OSBPL3: variants seen among roughly 807,000 people sequenced by gnomAD.
The protein encoded by OSBPL3 is oxysterol-binding protein-related protein 3.
OSBPL3 carries 65 observed loss-of-function variants against 120.1 expected under a neutral mutation model. The ratio of observed to expected loss-of-function variants is 0.54; its 90% confidence interval spans 0.44 to 0.67. The LOEUF (loss-of-function observed/expected upper bound fraction) is 0.67. OSBPL3 is among the 30% of genes least tolerant of loss of function. OSBPL3 has a pLI of 0.00. For missense variants in OSBPL3, 1,004 were observed against 1,082.1 expected, an observed-to-expected ratio of 0.93 and a Z score of 1.01; for synonymous variants, 416 against 402.6, an observed-to-expected ratio of 1.03 and a Z score of -0.40.
At chr7:24,925,490 C>CTTT (rs1415685149) in intron 1 of OSBPL3, among the ~76,000 whole-genome samples, 1 of 152,184 alleles carries the variant, frequency 6.6e-6, no homozygotes, top group Non-Finnish European at 1.5e-5. Flanking sequence ...ATCTGTCTTC[C>CTTT]TTTTAAGCAG....
Position 24,900,748 on chromosome 7 carries a change from G to A in OSBPL3, c.-149-8127C>T, listed in dbSNP as rs893675200. On this transcript the variant is annotated intron_variant, in intron 1 of 22. Coordinates refer to ENST00000313367, the MANE Select transcript of OSBPL3 (RefSeq NM_015550.4). The surrounding 1 kb of genome is among the most constrained non-coding windows in gnomAD (Gnocchi z 4.5). The stretch of plus-strand genomic sequence containing the variant: ...TTTGGGAGGCCAAGGTAGGTGGATC[G>A]CTTGAGCTCACGAGTTCAAGACCAG... 9.5e-4 allele frequency among the ~76,000 whole-genome samples: 144 copies of A among 152,142 alleles called. No individual in the cohort carries two copies. The highest frequency in any genetic ancestry group is 3.2e-3 in the African/African-American group (133 of 41,502).
rs1381283569 is a variant in OSBPL3 at position 24,964,300 on chromosome 7, T to C, written c.-150+15586A>G. 3.3e-5 allele frequency among the ~76,000 whole-genome samples: 5 copies of C among 152,148 alleles called. No homozygotes were observed. Among genetic ancestry groups the C allele is most frequent in the Admixed American group, 6.5e-5 (1 of 15,272 alleles). On this transcript the variant is annotated intron_variant, in intron 1 of 22. Coordinates refer to ENST00000313367, the MANE Select transcript of OSBPL3 (RefSeq NM_015550.4). This position sits in a 1 kb window ranked among gnomAD's most constrained non-coding sequence, Gnocchi z 4.2. ...GAAAGGCGAAGAAAAAATAACCATATGGTAGAGAAGCCTGACAAACACTAC... is the reference window on the plus strand; with the variant it reads ...GAAAGGCGAAGAAAAAATAACCATACGGTAGAGAAGCCTGACAAACACTAC...
In OSBPL3 at chr7:24,949,013, T is replaced by G. The variant is rs925407392; in HGVS notation, c.-150+30873A>C. Among the ~76,000 whole-genome samples the G allele has an allele frequency of 2.6e-5, 4 of 152,336 alleles. No homozygotes were observed. In the South Asian group the frequency reaches 6.2e-4, roughly 24 times the overall value. On this transcript the variant is annotated intron_variant, in intron 1 of 22. Transcript: ENST00000313367. ...TATCATGATGTCTCTAGACTTCTAC[T>G]TCTTTATTTTTCCTTTGTAAACTGT...
chr7:24,964,362 A>G lies in OSBPL3; in HGVS notation c.-150+15524T>C, dbSNP rs1015398223. Reference sequence around the variant, plus strand: ...GAGCAAGGTCAACATAACCAAAACTATAAATCATGCTGCTAACATATACTC... The same window carrying G: ...GAGCAAGGTCAACATAACCAAAACTGTAAATCATGCTGCTAACATATACTC... On this transcript the variant is annotated intron_variant, in intron 1 of 22. Coordinates refer to ENST00000313367, the MANE Select transcript of OSBPL3 (RefSeq NM_015550.4). The surrounding 1 kb of genome is among the most constrained non-coding windows in gnomAD (Gnocchi z 4.2). 1.3e-5 allele frequency among the ~76,000 whole-genome samples: 2 copies of G among 152,232 alleles called. No homozygotes were observed. Among genetic ancestry groups the G allele is most frequent in the African/African-American group, 2.4e-5 (1 of 41,464 alleles).
rs1795237890 is a variant in OSBPL3 at position 24,822,432 on chromosome 7, TATA to T, written c.1885-2197_1885-2195del. Among the ~76,000 whole-genome samples, 1 of 152,084 alleles carries T rather than the reference TATA, an allele frequency of 6.6e-6. No homozygotes were observed. The highest frequency in any genetic ancestry group is 2.4e-5 in the African/African-American group (1 of 41,398). On this transcript the variant is annotated intron_variant, in intron 16 of 22. Coordinates refer to ENST00000313367, the MANE Select transcript of OSBPL3 (RefSeq NM_015550.4). This position sits in a 1 kb window ranked among gnomAD's most constrained non-coding sequence, Gnocchi z 5.8. ...CTGGGCAACATAGTGAGACACTATC[TATA>T]ATAATAATAACCATTAATCAGCTCA...
chr7:24,905,167 C>G (rs983485109), intron 1 of OSBPL3, among the ~76,000 whole-genome samples: 10 of 144,166 alleles, frequency 6.9e-5, no homozygotes, highest in African/African-American at 2.4e-4. Flanking sequence ...TGTGGAAACT[C>G]TTCACAAAGC....
chr7:24,851,243 T>C lies in OSBPL3; in HGVS notation c.1158+1261A>G, dbSNP rs771107171. ...TTCTCTCAAACCAAAATGGCACCAG[T>C]GTATGGCTGTCTTGTACAATAAAAA... On this transcript the variant is annotated intron_variant, in intron 11 of 22. Coordinates refer to ENST00000313367, the MANE Select transcript of OSBPL3 (RefSeq NM_015550.4). This position sits in a 1 kb window ranked among gnomAD's most constrained non-coding sequence, Gnocchi z 4.1. 7.2e-5 allele frequency among the ~76,000 whole-genome samples: 11 copies of C among 152,178 alleles called. No individual in the cohort carries two copies. Among genetic ancestry groups the C allele is most frequent in the African/African-American group, 9.7e-5 (4 of 41,436 alleles).
chr7:24,972,724 A>G lies in OSBPL3; in HGVS notation c.-150+7162T>C, dbSNP rs6974069. Among the ~76,000 whole-genome samples, 3,956 of 152,232 alleles carry G rather than the reference A, an allele frequency of 0.026. 152 individuals are homozygous for G. The highest frequency in any genetic ancestry group is 0.084 in the African/African-American group (3,502 of 41,504). On this transcript the variant is annotated intron_variant, in intron 1 of 22. Transcript: ENST00000313367. This position sits in a 1 kb window ranked among gnomAD's most constrained non-coding sequence, Gnocchi z 4.3. Reference sequence around the variant, plus strand: ...GATTAAAAAATATATACATACATAAATATACACACACATATATATACATAT... The same window carrying G: ...GATTAAAAAATATATACATACATAAGTATACACACACATATATATACATAT...
Position 24,884,166 on chromosome 7 carries a change from C to T in OSBPL3, c.96+8211G>A, listed in dbSNP as rs562593358. 7.2e-4 allele frequency among the ~76,000 whole-genome samples: 109 copies of T among 152,264 alleles called. 3 individuals carry two copies. In the South Asian group the frequency reaches 0.022, roughly 31 times the overall value. ...TCCACGTTCTTCTTGGCCCTGCATT[C>T]ATAAAGATGTGAGCTGAGGGAGGCT... On this transcript the variant is annotated intron_variant, in intron 2 of 22. Transcript: ENST00000313367.
Position 24,980,157 on chromosome 7 carries a change from A to T in OSBPL3, c.-421T>A. The T allele has an allele frequency of 1.8e-6, 1 of 553,960 alleles. No individual in the cohort carries two copies. The highest frequency in any genetic ancestry group is 2.3e-6 in the Non-Finnish European group (1 of 435,874). The allele number at this position is 553,960 out of a possible 1,614,324, so 34.3% of individuals were successfully genotyped here. A position where few individuals can be genotyped will look rare whatever the true frequency, so the allele number is the denominator to read the frequency against. On this transcript the variant is annotated 5_prime_UTR_variant, in exon 1 of 23. Transcript: ENST00000313367. ...CGCCACCAGCACGCGGCCAGTTCTG[A>T]GTACTTTGCCCAGAACTTCTCGGCG... is the stretch of plus-strand genomic sequence containing the variant.
chr7:24,815,016 A>AC lies in OSBPL3; in HGVS notation c.2172+42dup, dbSNP rs113737091. 25 of 1,603,162 alleles carry AC rather than the reference A, an allele frequency of 1.6e-5. No individual in the cohort carries two copies. The African/African-American group carries it at 2.5e-4, about 16-fold the overall frequency. ...TGTGCTCTGGGGCCCTGGCTCTGCC[A>AC]CAGCCCTTCCAGGGTCAGAGCTCAG... On this transcript the variant is annotated intron_variant, in intron 19 of 22. Coordinates refer to ENST00000313367, the MANE Select transcript of OSBPL3 (RefSeq NM_015550.4). The surrounding 1 kb of genome is among the most constrained non-coding windows in gnomAD (Gnocchi z 5.1).
rs146679966 is a variant in OSBPL3 at position 24,809,853 on chromosome 7, G to A, written c.2271C>T (p.Ser757=). ...VHRLFGKWHE[S]IYCGGGSSSA... ...AAGAGGAGCCGCCGCCACAGTAGAT[G>A]CTTTCATGCCATTTCCCAAACAGCC... Residue 757 remains serine, a synonymous_variant, in exon 20 of 23, where the codon AGC becomes AGT. Transcript: ENST00000313367. The A allele has an allele frequency of 1.3e-5, 21 of 1,614,044 alleles. No homozygotes were observed. The highest frequency in any genetic ancestry group is 1.7e-5 in the Non-Finnish European group (20 of 1,180,028).
At position 24,948,091 on chromosome 7, in the gene OSBPL3, A is replaced by G. The variant is rs1170242839; in HGVS notation, c.-150+31795T>C. ...GAAATCCCTTGAGCTGGAGCTAACA[A>G]CAAGGACACATCACAGAGAAACGGT... On this transcript the variant is annotated intron_variant, in intron 1 of 22. Coordinates refer to ENST00000313367, the MANE Select transcript of OSBPL3 (RefSeq NM_015550.4). Among the ~76,000 whole-genome samples, 3 of 152,232 alleles carry G rather than the reference A, an allele frequency of 2.0e-5. No homozygotes were observed. In the East Asian group the frequency reaches 5.8e-4, roughly 29 times the overall value.
At position 24,802,764 on chromosome 7, in the gene OSBPL3, T is replaced by C. The variant is rs1192093523; in HGVS notation, c.2567+1551A>G. ...TTTTTTAAAAAATGAAAATAGACAA[T>C]GTATGGAAGAAAAAGAACCAACCTA... On this transcript the variant is annotated intron_variant, in intron 22 of 22. Transcript: ENST00000313367. The surrounding 1 kb of genome is among the most constrained non-coding windows in gnomAD (Gnocchi z 4.1). 6.6e-6 allele frequency among the ~76,000 whole-genome samples: 1 copy of C among 152,180 alleles called. No individual in the cohort carries two copies.
Position 24,805,826 on chromosome 7 carries a change from G to A in OSBPL3, c.2444+950C>T, listed in dbSNP as rs905245530. 1.3e-5 allele frequency among the ~76,000 whole-genome samples: 2 copies of A among 152,098 alleles called. No individual in the cohort carries two copies. The highest frequency in any genetic ancestry group is 2.4e-5 in the African/African-American group (1 of 41,410). On this transcript the variant is annotated intron_variant, in intron 21 of 22. Transcript: ENST00000313367. The surrounding 1 kb of genome is among the most constrained non-coding windows in gnomAD (Gnocchi z 4.0). ...CCTCCCTATGTCCATTTTTTCTAAT[G>A]GGTTGATCTGTTACTAGATTTCTAG...
At position 24,871,871 on chromosome 7, in the gene OSBPL3, A is replaced by T. The variant is rs1451346766; in HGVS notation, c.214-76T>A. 2.0e-6 allele frequency: 3 copies of T among 1,472,060 alleles called. No homozygotes were observed. In the African/African-American group the frequency reaches 4.2e-5, roughly 20 times the overall value. 91.2% of individuals were successfully genotyped at this position (1,472,060 alleles called of 1,614,324 possible). ...TTCTTGGTCTCAAATTCCAACTAGAAATTAAATATGAGTACCTAAGAACCA... is the reference window on the plus strand; with the variant it reads ...TTCTTGGTCTCAAATTCCAACTAGATATTAAATATGAGTACCTAAGAACCA... On this transcript the variant is annotated intron_variant, in intron 3 of 22. Transcript: ENST00000313367. The surrounding 1 kb of genome is among the most constrained non-coding windows in gnomAD (Gnocchi z 4.8).
At chr7:24,874,210 A>C (rs1008426042) in intron 2 of OSBPL3, among the ~76,000 whole-genome samples, 9 of 152,244 alleles carry the variant, frequency 5.9e-5, no homozygotes, top group African/African-American at 1.7e-4. Context: ...TTTACAAATT[A>C]GATACAATGC....
intron 19 of OSBPL3, among the ~76,000 whole-genome samples, chr7:24,814,336 G>A (rs898363548): frequency 2.6e-5 from 4 of 152,244 alleles, no homozygotes; most frequent in African/African-American, 7.2e-5. Flanking sequence ...GTGTGAAAGG[G>A]TGGAGATGGG....
rs141612980 is a variant in OSBPL3, at chr7:24,854,172, T to TCA, written c.1028-1540_1028-1539dup. Reference sequence around the variant, plus strand: ...TTATCTAAATTACTGATCGTGGCTATCACATTTGAATATTATCTTTCCAAT... The same window carrying TCA: ...TTATCTAAATTACTGATCGTGGCTATCACACATTTGAATATTATCTTTCCAAT... On this transcript the variant is annotated intron_variant, in intron 10 of 22. Coordinates refer to ENST00000313367, the MANE Select transcript of OSBPL3 (RefSeq NM_015550.4). This position sits in a 1 kb window ranked among gnomAD's most constrained non-coding sequence, Gnocchi z 4.1. Among the ~76,000 whole-genome samples the TCA allele has an allele frequency of 0.04, 6,094 of 152,232 alleles. 232 individuals carry two copies. The highest frequency in any genetic ancestry group is 0.13 in the East Asian group (669 of 5,158).
Sources: gnomAD v4.1 joint callset for allele counts (sites outside exome capture counted in the v4.1 genomes callset) on GRCh38, gnomAD v4.1.1 for gene constraint, Gnocchi (gnomAD v3.1) non-coding constraint, MANE v1.5 for transcripts, NCBI Gene and HGNC (gene_info 2026-07-23, HGNC 2026-07-21) for gene names.